SYT9: variants seen among roughly 807,000 people sequenced by gnomAD.
SYT9 encodes the protein synaptotagmin-9.
A neutral mutation model predicts 48.4 loss-of-function variants in SYT9; 22 were observed. The ratio of observed to expected loss-of-function variants is 0.45; its 90% confidence interval spans 0.32 to 0.65. SYT9 has a LOEUF of 0.65. SYT9 is among the 30% of genes least tolerant of loss of function. The probability of loss-of-function intolerance (pLI) is 0.03; values close to 1 mark genes in which losing one functional copy is unlikely to be tolerated. For synonymous variants in SYT9, 265 were observed against 245.0 expected (o/e 1.08, Z -0.76); for missense variants, 577 against 622.0 (o/e 0.93, Z 0.77).
chr11:7,436,854 C>T (rs1441312715), intron 6 of SYT9, among the ~76,000 whole-genome samples: 1 of 152,250 alleles, frequency 6.6e-6, no homozygotes, highest in South Asian at 2.1e-4. Flanking sequence ...AACCTAATTA[C>T]AGCTCAGCCA....
At chr11:7,387,139 G>A (rs889540869) in intron 3 of SYT9, among the ~76,000 whole-genome samples, 1 of 152,076 alleles carries the variant, frequency 6.6e-6, no homozygotes, top group African/African-American at 2.4e-5. Context: ...CACACACCAG[G>A]GCCTGTTGTG....
intron 1 of SYT9, among the ~76,000 whole-genome samples, chr11:7,241,935 T>C (rs1589881492): frequency 6.6e-6 from 1 of 152,366 alleles, no homozygotes; most frequent in South Asian, 2.1e-4. Flanking sequence ...TTCTATTCCA[T>C]TGGCTACTAG....
At chr11:7,281,143 A>G (rs775556073) in intron 1 of SYT9, among the ~76,000 whole-genome samples, 7 of 152,236 alleles carry the variant, frequency 4.6e-5, no homozygotes, top group Non-Finnish European at 8.8e-5. Flanking sequence ...GAGCATATGT[A>G]TGATACTCAG....
At chr11:7,361,301 C>G (rs1253087825) in intron 3 of SYT9, among the ~76,000 whole-genome samples, 1 of 152,096 alleles carries the variant, frequency 6.6e-6, no homozygotes, top group African/African-American at 2.4e-5. Context: ...ACTGTTTTAA[C>G]TGTTATTTAA....
chr11:7,297,439 A>G (rs1056654618), intron 1 of SYT9, among the ~76,000 whole-genome samples: 5 of 152,210 alleles, frequency 3.3e-5, no homozygotes, highest in African/African-American at 9.6e-5. Flanking sequence ...CATAACCACA[A>G]TACAATTATC....
At chr11:7,268,892 C>T (rs553607977) in intron 1 of SYT9, among the ~76,000 whole-genome samples, 1 of 152,034 alleles carries the variant, frequency 6.6e-6, no homozygotes, top group African/African-American at 2.4e-5. Flanking sequence ...CTCTGTTAAT[C>T]CCTGCCTCAG....
intron 1 of SYT9, among the ~76,000 whole-genome samples, chr11:7,259,200 A>G (rs1848033231): frequency 6.6e-6 from 1 of 152,306 alleles, no homozygotes; most frequent in South Asian, 2.1e-4. Context: ...AGTACCTGGT[A>G]TATGCTCATA....
chr11:7,299,931 G>A (rs569295111), intron 1 of SYT9, among the ~76,000 whole-genome samples: 1 of 152,254 alleles, frequency 6.6e-6, no homozygotes, highest in African/African-American at 2.4e-5. Context: ...GAGAGGTCAC[G>A]TTGTACTAAG....
Position 7,296,673 on chromosome 11 carries a change from GAC to G in SYT9, c.146-6362_146-6361del, listed in dbSNP as rs547255657. Among the ~76,000 whole-genome samples, 84 of 152,236 alleles carry G rather than the reference GAC, an allele frequency of 5.5e-4. 1 individual carries two copies. Among genetic ancestry groups the G allele is most frequent in the African/African-American group, 2.0e-3 (82 of 41,538 alleles). On this transcript the variant is annotated intron_variant, in intron 1 of 6. Coordinates refer to ENST00000318881, the MANE Select transcript of SYT9 (RefSeq NM_175733.4). ...TTATCTTTTTAAATTGCAAAAGAGA[GAC>G]ACATTCATTTTATAAAGTTTAAAAA...
chr11:7,277,906 T>C (rs1848427499), intron 1 of SYT9, among the ~76,000 whole-genome samples: 1 of 152,262 alleles, frequency 6.6e-6, no homozygotes, highest in South Asian at 2.1e-4. Context: ...GTAATGTAGA[T>C]GGCAGAGAAA....
Position 7,418,186 on chromosome 11 carries a change from C to T in SYT9, c.1337+58C>T, listed in dbSNP as rs964692764. ...TTCACTGTGCCCAGGACTGGGAAGGCAGAGGGGGAGCAGCAGCCACAGATT... is the reference window on the plus strand; with the variant it reads ...TTCACTGTGCCCAGGACTGGGAAGGTAGAGGGGGAGCAGCAGCCACAGATT... On this transcript the variant is annotated intron_variant, in intron 5 of 6. Coordinates refer to ENST00000318881, the MANE Select transcript of SYT9 (RefSeq NM_175733.4). 42 of 1,568,052 alleles carry T rather than the reference C, an allele frequency of 2.7e-5. No homozygotes were observed. The South Asian group carries it at 4.0e-4, about 15-fold the overall frequency.
At chr11:7,260,154 A>G (rs1564839226) in intron 1 of SYT9, among the ~76,000 whole-genome samples, 1 of 152,186 alleles carries the variant, frequency 6.6e-6, no homozygotes. Context: ...GGCATCTGTC[A>G]TTCAAAGATA....
chr11:7,391,735 T>TAAAAAAAAAA lies in SYT9; in HGVS notation c.1045-24286_1045-24277dup, dbSNP rs71059104. Among the ~76,000 whole-genome samples, 64 of 35,942 alleles carry TAAAAAAAAAA rather than the reference T, an allele frequency of 1.8e-3. 5 individuals are homozygous for TAAAAAAAAAA. The highest frequency in any genetic ancestry group is 6.4e-3 in the East Asian group (3 of 470). The allele number at this position is 35,942 out of a possible 152,430, so 23.6% of individuals were successfully genotyped here. A position where few individuals can be genotyped will look rare whatever the true frequency, so the allele number is the denominator to read the frequency against. Reference sequence around the variant, plus strand: ...GGACAACATGGTAAAACCCCATCTCTAAAAAAAAAAAAAAAAAAAAAAAAA... The same window carrying TAAAAAAAAAA: ...GGACAACATGGTAAAACCCCATCTCTAAAAAAAAAAAAAAAAAAAAAAAAAAAAAAAAAAA... On this transcript the variant is annotated intron_variant, in intron 3 of 6. Coordinates refer to ENST00000318881, the MANE Select transcript of SYT9 (RefSeq NM_175733.4).
upstream of SYT9, among the ~76,000 whole-genome samples, chr11:7,247,706 GTTTC>G (rs1196054620): frequency 6.8e-6 from 1 of 147,768 alleles, no homozygotes; most frequent in African/African-American, 2.5e-5. Flanking sequence ...ATATATCACA[GTTTC>G]TTTATCCACT....
intron 3 of SYT9, among the ~76,000 whole-genome samples, chr11:7,378,557 C>G (rs1442260338): frequency 6.6e-6 from 1 of 150,806 alleles, no homozygotes; most frequent in Non-Finnish European, 1.5e-5. Context: ...GATGGAGGAA[C>G]AGTTGATGGA....
chr11:7,358,846 T>G (rs1228563323), intron 3 of SYT9, among the ~76,000 whole-genome samples: 1 of 152,188 alleles, frequency 6.6e-6, no homozygotes, highest in Non-Finnish European at 1.5e-5. Flanking sequence ...GCTTCTAATT[T>G]CTTCAGATTT....
chr11:7,321,563 A>G (rs2133964735), intron 3 of SYT9, among the ~76,000 whole-genome samples: 1 of 152,356 alleles, frequency 6.6e-6, no homozygotes, highest in South Asian at 2.1e-4. Context: ...GGCTTAGCCC[A>G]GGAGAGTTCT....
intron 2 of SYT9, among the ~76,000 whole-genome samples, chr11:7,305,717 G>C (rs765065541): frequency 9.2e-5 from 14 of 151,950 alleles, no homozygotes; most frequent in Non-Finnish European, 1.9e-4. Context: ...CTTTCTCCCT[G>C]CCGACACCGT....
chr11:7,256,792 A>G (rs149577305), intron 1 of SYT9, among the ~76,000 whole-genome samples: 8 of 152,260 alleles, frequency 5.3e-5, no homozygotes, highest in Admixed American at 1.3e-4. Context: ...ATTTTTCTGC[A>G]TGTTCTCTGT....
Sources: gnomAD v4.1 joint callset for allele counts (sites outside exome capture counted in the v4.1 genomes callset) on GRCh38, gnomAD v4.1.1 for gene constraint, MANE v1.5 for transcripts, NCBI Gene and HGNC (gene_info 2026-07-23, HGNC 2026-07-21) for gene names.